The following PEX7 variants were observed in gnomAD, a reference collection of about 807,000 sequenced individuals.
PEX7 encodes peroxisomal biogenesis factor 7.
In PEX7, 34 loss-of-function variants were observed where a neutral mutation model predicts 47.5. The ratio of observed to expected loss-of-function variants is 0.72; its 90% CI spans 0.54 to 0.95. PEX7 has a LOEUF of 0.95. PEX7 is among the 40% of genes least tolerant of loss of function. PEX7 has a pLI of 0.00. For synonymous variants in PEX7, 141 were observed against 148.8 expected, an observed-to-expected ratio of 0.95 and a Z score of 0.38; for missense variants, 394 against 400.3, an observed-to-expected ratio of 0.98 and a Z score of 0.13.
chr6:136,831,182 G>T (rs995194743), intron 3 of PEX7, among the ~76,000 whole-genome samples: 2 of 152,148 alleles, frequency 1.3e-5, no homozygotes, highest in Non-Finnish European at 2.9e-5. Context: ...GACTGGGGAG[G>T]CCTCAGGAAA....
intron 5 of PEX7, among the ~76,000 whole-genome samples, chr6:136,865,398 A>C (rs1302627257): frequency 6.6e-6 from 1 of 152,160 alleles, no homozygotes; most frequent in Non-Finnish European, 1.5e-5. Context: ...TCCCAGGTTC[A>C]AGTGATTCTT....
In PEX7 at chr6:136,912,985, A is replaced by G. The variant is rs544495815; in HGVS notation, c.904-473A>G. Among the ~76,000 whole-genome samples the G allele has an allele frequency of 5.9e-5, 9 of 152,346 alleles. No individual in the cohort carries two copies. In the South Asian group the frequency reaches 1.9e-3, roughly 32 times the overall value. ...CTGACACTGTCCCAGCTGGAATCAT[A>G]TAGTCCCCCTAAGAGTCTCTGTTAG... On this transcript the variant is annotated intron_variant, in intron 9 of 9. Coordinates refer to ENST00000318471, the MANE Select transcript of PEX7 (RefSeq NM_000288.4).
intron 3 of PEX7, among the ~76,000 whole-genome samples, chr6:136,831,803 C>T (rs190444811): frequency 7.2e-5 from 11 of 152,388 alleles, no homozygotes; most frequent in Non-Finnish European, 1.5e-4. Flanking sequence ...GACTCCATAT[C>T]TCACATCCAA....
At chr6:136,909,742 A>G (rs1309620100) in intron 9 of PEX7, among the ~76,000 whole-genome samples, 5 of 152,240 alleles carry the variant, frequency 3.3e-5, no homozygotes, top group Non-Finnish European at 7.3e-5. Context: ...GATCTATCTT[A>G]ATCCAATTAA....
intron 7 of PEX7, among the ~76,000 whole-genome samples, chr6:136,871,145 T>G (rs966276278): frequency 2.0e-5 from 3 of 152,246 alleles, no homozygotes; most frequent in Non-Finnish European, 4.4e-5. Context: ...TATGTATATT[T>G]TAGAGTGATT....
intron 8 of PEX7, among the ~76,000 whole-genome samples, chr6:136,890,890 C>T (rs1392164522): frequency 3.9e-5 from 6 of 152,092 alleles, no homozygotes; most frequent in Non-Finnish European, 5.9e-5. Flanking sequence ...CTACCAGTTA[C>T]GCTTCAGATG....
At chr6:136,828,972 C>T (rs1774246338) in intron 3 of PEX7, among the ~76,000 whole-genome samples, 1 of 152,194 alleles carries the variant, frequency 6.6e-6, no homozygotes, top group Non-Finnish European at 1.5e-5. Flanking sequence ...GTTTTGCGTA[C>T]TGCTATTCTA....
intron 9 of PEX7, among the ~76,000 whole-genome samples, chr6:136,906,710 A>G (rs1343655556): frequency 6.6e-6 from 1 of 152,160 alleles, no homozygotes; most frequent in Non-Finnish European, 1.5e-5. Context: ...AGATGCTACT[A>G]TATTTGCCTC....
At chr6:136,878,346 A>T (rs925322527) in intron 8 of PEX7, among the ~76,000 whole-genome samples, 2 of 152,132 alleles carry the variant, frequency 1.3e-5, no homozygotes, top group Non-Finnish European at 2.9e-5. Context: ...ACTATGTTGA[A>T]TAGGAGAGGT....
intron 8 of PEX7, among the ~76,000 whole-genome samples, chr6:136,884,487 G>GT (rs1308575080): frequency 6.6e-6 from 1 of 152,034 alleles, no homozygotes; most frequent in African/African-American, 2.4e-5. Context: ...TTAAATATAA[G>GT]TTTTTAATTT....
At chr6:136,891,295 A>G (rs565125055) in intron 8 of PEX7, among the ~76,000 whole-genome samples, 5 of 152,306 alleles carry the variant, frequency 3.3e-5, no homozygotes, top group African/African-American at 1.2e-4. Flanking sequence ...ATCTGATTAG[A>G]GTTTTCGATG....
chr6:136,845,958 A>G lies in PEX7; in HGVS notation c.418-115A>G, dbSNP rs573816402. The G allele has an allele frequency of 3.0e-4, 218 of 729,834 alleles. 1 individual carries two copies. The African/African-American group carries it at 3.3e-3, about 11-fold the overall frequency. 45.2% of individuals were successfully genotyped at this position (729,834 alleles called of 1,614,324 possible). A position where few individuals can be genotyped will look rare whatever the true frequency, so the allele number is the denominator to read the frequency against. On this transcript the variant is annotated intron_variant, in intron 4 of 9. Coordinates refer to ENST00000318471, the MANE Select transcript of PEX7 (RefSeq NM_000288.4). ...ATCTTTAAAAATCCTTGAGATCTGT[A>G]TATATATTGTATGCATATATATAAA...
intron 8 of PEX7, among the ~76,000 whole-genome samples, chr6:136,888,012 C>T (rs1272673187): frequency 6.6e-6 from 1 of 151,824 alleles, no homozygotes; most frequent in Non-Finnish European, 1.5e-5. Flanking sequence ...GGCTGATGGG[C>T]TTTTTTGATC....
chr6:136,866,773 A>G (rs1314628757), intron 6 of PEX7, 40 bp downstream of exon 6: 2 of 1,497,686 alleles, frequency 1.3e-6, no homozygotes, highest in East Asian at 2.3e-5. Context: ...TGTCCTTCCT[A>G]ATGTTAAAAT....
At chr6:136,897,019 A>G (rs1263128677) in intron 8 of PEX7, among the ~76,000 whole-genome samples, 1 of 152,230 alleles carries the variant, frequency 6.6e-6, no homozygotes, top group African/African-American at 2.4e-5. Flanking sequence ...CAAATTTTCA[A>G]AAGTAAAATC....
At chr6:136,853,337 CT>C (rs1418783170) in intron 5 of PEX7, among the ~76,000 whole-genome samples, 9 of 152,178 alleles carry the variant, frequency 5.9e-5, no homozygotes, top group Non-Finnish European at 1.3e-4. Flanking sequence ...AGTGGAAACT[CT>C]TTTGTGCAGT....
chr6:136,864,535 A>C (rs1486388262), intron 5 of PEX7, among the ~76,000 whole-genome samples: 1 of 152,208 alleles, frequency 6.6e-6, no homozygotes, highest in Admixed American at 6.5e-5. Flanking sequence ...CCCTGTTCTT[A>C]ACCTCTGCAT....
chr6:136,861,383 T>A (rs1380018745), intron 5 of PEX7, among the ~76,000 whole-genome samples: 1 of 152,096 alleles, frequency 6.6e-6, no homozygotes, highest in African/African-American at 2.4e-5. Context: ...ATGCCTGACC[T>A]GTTTTGGTAC....
At chr6:136,862,049 A>ATATATATATTATATATATATATTT (rs1774975365) in intron 5 of PEX7, among the ~76,000 whole-genome samples, 1 of 131,424 alleles carries the variant, frequency 7.6e-6, no homozygotes, top group Non-Finnish European at 1.6e-5. Context: ...TATATTATAT[A>ATATATATATTATATATATATATTT]TATATATATT....
Sources: allele counts gnomAD v4.1 joint callset (sites outside exome capture counted in the v4.1 genomes callset), GRCh38; gene constraint gnomAD v4.1.1; transcripts MANE v1.5; gene names NCBI Gene and HGNC (gene_info 2026-07-23, HGNC 2026-07-21).